PHF5A: variants seen among roughly 807,000 people sequenced by gnomAD.
PHF5A encodes the protein PHD finger protein 5A, also known as PHD finger-like domain-containing protein 5A.
For missense variants in PHF5A, 24 were observed against 140.6 expected, an observed-to-expected ratio of 0.17 and a Z score of 4.19; for synonymous variants, 52 against 46.0, an observed-to-expected ratio of 1.13 and a Z score of -0.52.
chr22:41,460,341 T>C lies in PHF5A; in HGVS notation c.*57A>G. 1.4e-6 allele frequency: 2 copies of C among 1,404,494 alleles called. No homozygotes were observed. Among genetic ancestry groups the C allele is most frequent in the South Asian group, 2.5e-5 (2 of 79,792 alleles). 87.0% of individuals were successfully genotyped at this position (1,404,494 alleles called of 1,614,324 possible). Reference sequence around the variant, plus strand: ...CCCTTTCTGCTGGTAGTAGTAGGCATGTTTTCTGGCAGCTGCAGCAGACTG... The same window carrying C: ...CCCTTTCTGCTGGTAGTAGTAGGCACGTTTTCTGGCAGCTGCAGCAGACTG... On this transcript the variant is annotated 3_prime_UTR_variant, in exon 4 of 4. Coordinates refer to ENST00000216252, the MANE Select transcript of PHF5A (RefSeq NM_032758.4).
At chr22:41,461,726 G>C (rs1219588190) in intron 3 of PHF5A, among the ~76,000 whole-genome samples, 1 of 151,892 alleles carries the variant, frequency 6.6e-6, no homozygotes, top group Non-Finnish European at 1.5e-5. Flanking sequence ...GCAGTGACAT[G>C]ATCTCGGCTC....
chr22:41,467,823 G>A (rs983294398), intron 2 of PHF5A, among the ~76,000 whole-genome samples: 1 of 152,182 alleles, frequency 6.6e-6, no homozygotes, highest in African/African-American at 2.4e-5. Flanking sequence ...ATTAACATAT[G>A]TGAAGAGCTT....
chr22:41,461,034 G>A (rs780239229), intron 3 of PHF5A, among the ~76,000 whole-genome samples: 1 of 152,002 alleles, frequency 6.6e-6, no homozygotes, highest in African/African-American at 2.4e-5. Flanking sequence ...TTAGCCAGAC[G>A]TGGTGGTGCG....
In PHF5A at chr22:41,460,461, A is replaced by G; in HGVS notation, c.270T>C (p.Asn90=). Residue 90 remains asparagine, a synonymous_variant, in exon 4 of 4, where the codon AAT becomes AAC. Transcript: ENST00000216252. ...AGAGGTCTGTCTTAGAGCTCCCCAG[A>G]TTGACAATCTTTGGGCAGCCATCTC... ...KDRDGCPKIV[N]LGSSKTDLFY... The G allele has an allele frequency of 6.2e-7, 1 of 1,600,654 alleles. No individual in the cohort carries two copies. The highest frequency in any genetic ancestry group is 8.5e-7 in the Non-Finnish European group (1 of 1,170,830).
At chr22:41,467,676 T>C (rs2146065687) in intron 2 of PHF5A, 62 bp from the exon 3 acceptor site, 5 of 1,553,012 alleles carry the variant, frequency 3.2e-6, no homozygotes, top group Non-Finnish European at 4.4e-6. Flanking sequence ...TCTCCTGCCA[T>C]GGGGAAATAT....
rs1425723937 is a variant in PHF5A at position 41,459,920 on chromosome 22, A to ACCCC, written c.*477_*478insGGGG. On this transcript the variant is annotated 3_prime_UTR_variant, in exon 4 of 4. Transcript: ENST00000216252. ...GCCCTGCCCCCCCACCCCCCCCCCA[A>ACCCC]AAAAAACGGGAAATGCCTACATTTC... The ACCCC allele has an allele frequency of 1.4e-4, 3 of 21,838 alleles. No individual in the cohort carries two copies. The highest frequency in any genetic ancestry group is 1.1e-3 in the Admixed American group (2 of 1,806). 1.4% of individuals were successfully genotyped at this position (21,838 alleles called of 1,614,324 possible). A position where few individuals can be genotyped will look rare whatever the true frequency, so the allele number is the denominator to read the frequency against.
At chr22:41,468,490 G>A (rs1186412302) in intron 1 of PHF5A, 112 bp downstream of exon 1, 11 of 1,248,716 alleles carry the variant, frequency 8.8e-6, no homozygotes, top group African/African-American at 4.5e-5. Context: ...CCTGAGAGGC[G>A]GGAAACGTGG....
At chr22:41,467,126 A>G (rs1051264110) in intron 3 of PHF5A, among the ~76,000 whole-genome samples, 8 of 151,976 alleles carry the variant, frequency 5.3e-5, no homozygotes, top group African/African-American at 1.9e-4. Flanking sequence ...TTGGACTCCC[A>G]AAGTGCTGAG....
chr22:41,465,067 G>A (rs1400710742), intron 3 of PHF5A, among the ~76,000 whole-genome samples: 1 of 152,192 alleles, frequency 6.6e-6, no homozygotes, highest in Non-Finnish European at 1.5e-5. Flanking sequence ...ATAGTTGAAG[G>A]TAAATGCAAA....
At chr22:41,467,060 C>G (rs1362189401) in intron 3 of PHF5A, among the ~76,000 whole-genome samples, 1 of 146,174 alleles carries the variant, frequency 6.8e-6, no homozygotes, top group Non-Finnish European at 1.5e-5. Context: ...GAGATGGGAT[C>G]TTGCTCTGTG....
At chr22:41,465,776 A>G (rs918762635) in intron 3 of PHF5A, among the ~76,000 whole-genome samples, 3 of 152,130 alleles carry the variant, frequency 2.0e-5, no homozygotes, top group Non-Finnish European at 2.9e-5. Context: ...GCTACTCGGG[A>G]GGCTGAGGCA....
Position 41,467,535 on chromosome 22 carries a change from T to A in PHF5A, c.156A>T (p.Gly52=), listed in dbSNP as rs1333011309. The A allele has an allele frequency of 2.5e-6, 4 of 1,613,990 alleles. No individual in the cohort carries two copies. In the African/African-American group the frequency reaches 4.0e-5, roughly 16 times the overall value. ...AGATCACACAGCGCCCCTGGTAAGA[T>A]CCATAGTTACACTCATCACATATGC... is the stretch of plus-strand genomic sequence containing the variant. The part of the protein sequence containing the change: ...LVRICDECNY[G]SYQGRCVICG... Residue 52 remains glycine, a synonymous_variant, in exon 3 of 4, where the codon GGA becomes GGT. Coordinates refer to ENST00000216252, the MANE Select transcript of PHF5A (RefSeq NM_032758.4).
chr22:41,462,335 C>T (rs547557974), intron 3 of PHF5A, among the ~76,000 whole-genome samples: 1 of 152,196 alleles, frequency 6.6e-6, no homozygotes, highest in Non-Finnish European at 1.5e-5. Flanking sequence ...CCTTAGCCAT[C>T]TCATTTCTAA....
At chr22:41,465,629 C>T (rs1298270191) in intron 3 of PHF5A, among the ~76,000 whole-genome samples, 3 of 152,208 alleles carry the variant, frequency 2.0e-5, no homozygotes, top group Non-Finnish European at 4.4e-5. Context: ...CGCCTGTAAT[C>T]CCAGCACTTC....
rs1425723937 is a variant in PHF5A, at chr22:41,459,920, A to ACCC, written c.*477_*478insGGG. On this transcript the variant is annotated 3_prime_UTR_variant, in exon 4 of 4. Coordinates refer to ENST00000216252, the MANE Select transcript of PHF5A (RefSeq NM_032758.4). ...GCCCTGCCCCCCCACCCCCCCCCCA[A>ACCC]AAAAAACGGGAAATGCCTACATTTC... The ACCC allele has an allele frequency of 3.7e-4, 8 of 21,840 alleles. No homozygotes were observed. Among genetic ancestry groups the ACCC allele is most frequent in the Non-Finnish European group, 7.0e-4 (8 of 11,414 alleles). 1.4% of individuals were successfully genotyped at this position (21,840 alleles called of 1,614,324 possible). A position where few individuals can be genotyped will look rare whatever the true frequency, so the allele number is the denominator to read the frequency against.
chr22:41,466,226 C>T (rs1246755450), intron 3 of PHF5A, among the ~76,000 whole-genome samples: 1 of 151,994 alleles, frequency 6.6e-6, no homozygotes, highest in East Asian at 1.9e-4. Context: ...CACAAAGAAC[C>T]CTGCTGCCAA....
rs5758364 is a variant in PHF5A, at chr22:41,459,908, A to T, written c.*490T>A. The T allele has an allele frequency of 3.5e-5, 2 of 56,970 alleles. No individual in the cohort carries two copies. The highest frequency in any genetic ancestry group is 6.1e-5 in the Non-Finnish European group (2 of 32,928). The allele number at this position is 56,970 out of a possible 1,614,324, so 3.5% of individuals were successfully genotyped here. A position where few individuals can be genotyped will look rare whatever the true frequency, so the allele number is the denominator to read the frequency against. On this transcript the variant is annotated 3_prime_UTR_variant, in exon 4 of 4. Coordinates refer to ENST00000216252, the MANE Select transcript of PHF5A (RefSeq NM_032758.4). ...CAAGAGGGCAGAGCCCTGCCCCCCC[A>T]CCCCCCCCCCAAAAAAAACGGGAAA... is the stretch of plus-strand genomic sequence containing the variant.
intron 3 of PHF5A, 44 bp from the exon 4 acceptor site, chr22:41,460,531 C>A: frequency 1.3e-6 from 2 of 1,487,002 alleles, no homozygotes; most frequent in Admixed American, 1.8e-5. Flanking sequence ...TGAGCCTGAA[C>A]CAAGAGTGAC....
chr22:41,461,909 C>G (rs543307053), intron 3 of PHF5A, among the ~76,000 whole-genome samples: 30 of 152,304 alleles, frequency 2.0e-4, no homozygotes, highest in Middle Eastern at 3.4e-3. Context: ...GATCCACTCA[C>G]CTCGGCCTCC....
Sources: gnomAD v4.1 joint callset for allele counts (sites outside exome capture counted in the v4.1 genomes callset) on GRCh38, gnomAD v4.1.1 for gene constraint, MANE v1.5 for transcripts, NCBI Gene and HGNC (gene_info 2026-07-23, HGNC 2026-07-21) for gene names.